The following ARHGEF4 variants were observed in gnomAD, a reference collection of about 807,000 sequenced individuals.
The protein encoded by ARHGEF4 is APC-stimulated guanine nucleotide exchange factor 1.
A neutral mutation model predicts 162.0 loss-of-function variants in ARHGEF4; 119 were observed. The ratio of observed to expected loss-of-function variants is 0.73; its 90% confidence interval spans 0.63 to 0.86. The LOEUF (loss-of-function observed/expected upper bound fraction) is 0.86, where lower values mean the gene tolerates loss of function less well. ARHGEF4 is among the 40% of genes least tolerant of loss of function. ARHGEF4 has a pLI of 0.00. For synonymous variants in ARHGEF4, 1,014 were observed against 979.9 expected (o/e 1.03, Z -0.65); for missense variants, 2,488 against 2,456.0 (o/e 1.01, Z -0.28).
chr2:130,990,644 G>GTC (rs76029693), intron 4 of ARHGEF4, among the ~76,000 whole-genome samples: 3,914 of 152,242 alleles, frequency 0.026, 158 homozygotes, highest in East Asian at 0.21. Flanking sequence ...GGATCCCACA[G>GTC]TGATTCTGCA....
At position 131,044,320 on chromosome 2, in the gene ARHGEF4, T is replaced by C. The variant is rs756251332; in HGVS notation, c.5179T>C (p.Leu1727=). The C allele has an allele frequency of 6.2e-7, 1 of 1,610,696 alleles. No homozygotes were observed. Residue 1727 remains leucine (L), a synonymous_variant, in exon 12 of 14, where the codon TTG becomes CTG. Transcript: ENST00000409359. ...GCAGGACCTGCTCCGCCGCGACGTGTTGTACTACAAGGGCCGGCTGGACAT... is the reference window on the plus strand; with the variant it reads ...GCAGGACCTGCTCCGCCGCGACGTGCTGTACTACAAGGGCCGGCTGGACAT... ...CKKDLLRRDV[L]YYKGRLDMDG...
rs932027598 is a variant in ARHGEF4 at position 130,996,399 on chromosome 2, A to G, written c.3986-31546A>G. Among the ~76,000 whole-genome samples, 4 of 152,212 alleles carry G rather than the reference A, an allele frequency of 2.6e-5. No homozygotes were observed. In the East Asian group the frequency reaches 5.8e-4, roughly 22 times the overall value. On this transcript the variant is annotated intron_variant, in intron 4 of 13. Coordinates refer to ENST00000409359, the MANE Select transcript of ARHGEF4 (RefSeq NM_001367493.1). ...TTTTCTAACTGTTCTCCACTAGTGAATTTTTTGAATTATAGACTGCCATTA... is the reference window on the plus strand; with the variant it reads ...TTTTCTAACTGTTCTCCACTAGTGAGTTTTTTGAATTATAGACTGCCATTA...
intron 1 of ARHGEF4, among the ~76,000 whole-genome samples, chr2:130,900,274 T>C (rs1271245601): frequency 6.6e-6 from 1 of 152,252 alleles, no homozygotes; most frequent in Non-Finnish European, 1.5e-5. Flanking sequence ...TTTTTGCTAA[T>C]AATCTGTCTA....
chr2:130,940,676 A>G (rs1372946111), intron 3 of ARHGEF4, among the ~76,000 whole-genome samples: 1 of 150,508 alleles, frequency 6.6e-6, no homozygotes, highest in Admixed American at 6.6e-5. Flanking sequence ...AAAATAAAAA[A>G]AAAAATTAGC....
At chr2:131,046,008 C>A (rs749060765) in intron 13 of ARHGEF4, 30 bp from the exon 14 acceptor site, 1 of 1,595,166 alleles carries the variant, frequency 6.3e-7, no homozygotes, top group Admixed American at 1.7e-5. Flanking sequence ...CCTGGGCACC[C>A]ATGACCCTCT....
At position 130,917,641 on chromosome 2, in the gene ARHGEF4, CT is replaced by C. The variant is rs1681591444; in HGVS notation, c.3552+144del. On this transcript the variant is annotated intron_variant, in intron 2 of 13. Coordinates refer to ENST00000409359, the MANE Select transcript of ARHGEF4 (RefSeq NM_001367493.1). ...CCCGTTACACTCCCAGCCGCCCCCCCTCCCCCAGTGAACACAGCGGGTGACC... is the reference window on the plus strand; with the variant it reads ...CCCGTTACACTCCCAGCCGCCCCCCCCCCCCAGTGAACACAGCGGGTGACC... The C allele has an allele frequency of 6.4e-6, 7 of 1,099,208 alleles. No individual in the cohort carries two copies. In the South Asian group the frequency reaches 1.0e-4, roughly 16 times the overall value. The allele number at this position is 1,099,208 out of a possible 1,614,324, so 68.1% of individuals were successfully genotyped here.
At chr2:130,920,239 G>C (rs1681792512) in intron 2 of ARHGEF4, among the ~76,000 whole-genome samples, 2 of 152,206 alleles carry the variant, frequency 1.3e-5, no homozygotes, top group African/African-American at 4.8e-5. Flanking sequence ...CTCCCAAGTT[G>C]CTGAGCCCCC....
intron 4 of ARHGEF4, among the ~76,000 whole-genome samples, chr2:130,990,769 C>T (rs1412028333): frequency 6.6e-6 from 1 of 152,062 alleles, no homozygotes; most frequent in Admixed American, 6.5e-5. Flanking sequence ...AAAGACCTTA[C>T]TCAAACCTGA....
At chr2:131,039,905 C>T in intron 6 of ARHGEF4, 111 bp from the exon 7 acceptor site, 3 of 1,466,520 alleles carry the variant, frequency 2.0e-6, no homozygotes, top group South Asian at 2.8e-5. Context: ...CAGCCCTGCG[C>T]CCCGTACACC....
At chr2:130,966,227 A>T (rs1684991740) in intron 4 of ARHGEF4, among the ~76,000 whole-genome samples, 1 of 152,168 alleles carries the variant, frequency 6.6e-6, no homozygotes, top group Non-Finnish European at 1.5e-5. Flanking sequence ...CCAATGCTCG[A>T]TGTGTAAAAA....
rs1364189842 is a variant in ARHGEF4 at position 130,915,339 on chromosome 2, A to G, written c.1393A>G (p.Ser465Gly). Residue 465 changes from serine to glycine, a missense_variant, in exon 2 of 14, where the codon AGC becomes GGC. Around this residue, in one of 6 missense-constraint regions of ARHGEF4, gnomAD observed 1,642 missense variants for 1,481.5 expected, o/e 1.11. Transcript: ENST00000409359. ...GCCCGCTGAGTGCAAGTCAGAGCAA[A>G]GCCCAGAAAGCAGAACCCAGGAACC... Reference protein sequence around the residue: ...PEPAECKSEQSPESRTQEPQG... With the variant: ...PEPAECKSEQGPESRTQEPQG... The G allele has an allele frequency of 6.4e-7, 1 of 1,550,742 alleles. No homozygotes were observed. The highest frequency in any genetic ancestry group is 8.7e-7 in the Non-Finnish European group (1 of 1,147,042).
Position 130,917,410 on chromosome 2 carries a change from A to G in ARHGEF4, c.3464A>G (p.Asp1155Gly), listed in dbSNP as rs1442628426. Residue 1155 changes from aspartate to glycine, a missense_variant, in exon 2 of 14, where the codon GAT becomes GGT. Coordinates refer to ENST00000409359, the MANE Select transcript of ARHGEF4 (RefSeq NM_001367493.1). The stretch of plus-strand genomic sequence containing the variant: ...CTTTCTCTGCAGACGCTAAACCAAG[A>G]TGAGCAGAAGGAAGAGAGCAGGGAA... ...FLLSLQTLNQ[D>G]EQKEESREGG... 1.6e-5 allele frequency: 25 copies of G among 1,550,532 alleles called. No individual in the cohort carries two copies. Among genetic ancestry groups the G allele is most frequent in the Non-Finnish European group, 2.1e-5 (24 of 1,147,008 alleles).
At position 131,028,166 on chromosome 2, in the gene ARHGEF4, G is replaced by A. The variant is rs572092128; in HGVS notation, c.4125+82G>A. The A allele has an allele frequency of 2.4e-5, 37 of 1,547,292 alleles. 1 individual carries two copies. The highest frequency in any genetic ancestry group is 2.1e-4 in the South Asian group (17 of 82,440). ...TCCAGCACGCTAATGCAGGCCAGAT[G>A]CCCACAGTCCACGTTCCATGTGGCT... On this transcript the variant is annotated intron_variant, in intron 5 of 13. Coordinates refer to ENST00000409359, the MANE Select transcript of ARHGEF4 (RefSeq NM_001367493.1).
intron 1 of ARHGEF4, among the ~76,000 whole-genome samples, chr2:130,897,084 T>A (rs546479390): frequency 5.9e-5 from 9 of 152,330 alleles, no homozygotes; most frequent in Admixed American, 1.3e-4. Context: ...GCGTAAATGC[T>A]AGTTCCTGGT....
intron 1 of ARHGEF4, among the ~76,000 whole-genome samples, chr2:130,886,524 A>T (rs909063330): frequency 6.7e-6 from 1 of 150,240 alleles, no homozygotes; most frequent in Non-Finnish European, 1.5e-5. Context: ...CTAAAAATAC[A>T]AAAAAAATTA....
chr2:131,035,027 CG>C, intron 5 of ARHGEF4: 1 of 988,506 alleles, frequency 1.0e-6, no homozygotes, highest in Non-Finnish European at 1.2e-6. Flanking sequence ...CCGGGCGCTG[CG>C]GGCCACCGGC....
At chr2:130,878,588 T>G (rs550777829) in intron 1 of ARHGEF4, among the ~76,000 whole-genome samples, 1 of 152,312 alleles carries the variant, frequency 6.6e-6, no homozygotes, top group East Asian at 1.9e-4. Context: ...AGTTGCTTGC[T>G]GCAAACACGA....
rs70994730 is a variant in ARHGEF4, at chr2:131,001,302, C to CAAAAA, written c.3986-26621_3986-26617dup. ...TGGGCGACAGAGTGAGACTGTGTCT[C>CAAAAA]AAAAAAAAAAAAAAAAAAAAAAAAA... On this transcript the variant is annotated intron_variant, in intron 4 of 13. Coordinates refer to ENST00000409359, the MANE Select transcript of ARHGEF4 (RefSeq NM_001367493.1). Among the ~76,000 whole-genome samples, 28 of 31,154 alleles carry CAAAAA rather than the reference C, an allele frequency of 9.0e-4. 1 individual carries two copies. Among genetic ancestry groups the CAAAAA allele is most frequent in the Middle Eastern group, 0.038 (1 of 26 alleles). The allele number at this position is 31,154 out of a possible 152,430, so 20.4% of individuals were successfully genotyped here.
chr2:131,039,895 C>G (rs1690632497), intron 6 of ARHGEF4, 121 bp from the exon 7 acceptor site: 5 of 1,448,720 alleles, frequency 3.5e-6, no homozygotes, highest in Non-Finnish European at 4.5e-6. Flanking sequence ...GGCCAGTCCT[C>G]AGCCCTGCGC....
Sources: allele counts gnomAD v4.1 joint callset (sites outside exome capture counted in the v4.1 genomes callset), GRCh38; gene constraint gnomAD v4.1.1; regional missense constraint gnomAD v4.1.1; transcripts MANE v1.5; gene names NCBI Gene and HGNC (gene_info 2026-07-23, HGNC 2026-07-21).